ASCC3: variants seen among roughly 807,000 people sequenced by gnomAD.
ASCC3 encodes activating signal cointegrator 1 complex subunit 3, also known as ASC-1 complex subunit P200.
ASCC3 carries 158 observed loss-of-function variants against 256.3 expected under a neutral mutation model. The ratio of observed to expected loss-of-function variants is 0.62; its 90% CI spans 0.54 to 0.70. The LOEUF (loss-of-function observed/expected upper bound fraction) is 0.70, where lower values mean the gene tolerates loss of function less well. Among genes scored for constraint, ASCC3 ranks in the 30% least tolerant of loss-of-function variants. The probability of loss-of-function intolerance (pLI) is 0.00; values close to 1 mark genes in which losing one functional copy is unlikely to be tolerated. For missense variants in ASCC3, 2,259 were observed against 2,626.0 expected, an observed-to-expected ratio of 0.86 and a Z score of 3.05; for synonymous variants, 948 against 883.4, an observed-to-expected ratio of 1.07 and a Z score of -1.30.
chr6:100,815,915 A>T (rs887444278), intron 4 of ASCC3, among the ~76,000 whole-genome samples: 1 of 152,172 alleles, frequency 6.6e-6, no homozygotes, highest in African/African-American at 2.4e-5. Flanking sequence ...GATAAATGGG[A>T]TCTAATTAAA....
chr6:100,687,783 A>G (rs1777653889), intron 13 of ASCC3, among the ~76,000 whole-genome samples: 1 of 152,152 alleles, frequency 6.6e-6, no homozygotes, highest in Non-Finnish European at 1.5e-5. Flanking sequence ...TGCTTTAGGA[A>G]GAAAAAAGAG....
intron 21 of ASCC3, 110 bp from the exon 22 acceptor site, chr6:100,646,879 T>A (rs1775408405): frequency 3.4e-6 from 4 of 1,160,948 alleles, no homozygotes; most frequent in East Asian, 2.5e-5. Flanking sequence ...TGTTTTATGA[T>A]TTGCTATGTA....
rs1176120336 is a variant in ASCC3, at chr6:100,508,369, T to C, written c.*1017A>G. ...TTATTTCACAAAGGTAGAATTTCAT[T>C]CCACTAGAATGCATATTATATGAAC... On this transcript the variant is annotated 3_prime_UTR_variant, in exon 42 of 42. Transcript: ENST00000369162. The C allele has an allele frequency of 6.6e-6, 1 of 152,172 alleles. No individual in the cohort carries two copies. Among genetic ancestry groups the C allele is most frequent in the Non-Finnish European group, 1.5e-5 (1 of 68,010 alleles). The allele number at this position is 152,172 out of a possible 1,614,324, so 9.4% of individuals were successfully genotyped here.
chr6:100,579,429 C>G (rs1489033547), intron 36 of ASCC3, among the ~76,000 whole-genome samples: 1 of 152,012 alleles, frequency 6.6e-6, no homozygotes, highest in Non-Finnish European at 1.5e-5. Flanking sequence ...GGCCTACGTC[C>G]AGAATGGTAT....
At chr6:100,836,144 T>C (rs1231746472) in intron 4 of ASCC3, among the ~76,000 whole-genome samples, 1 of 152,124 alleles carries the variant, frequency 6.6e-6, no homozygotes, top group Non-Finnish European at 1.5e-5. Context: ...TAACAGTTTT[T>C]TAAGAGTCTT....
At chr6:100,876,580 A>G (rs955248429) in intron 1 of ASCC3, among the ~76,000 whole-genome samples, 1 of 152,206 alleles carries the variant, frequency 6.6e-6, no homozygotes, top group African/African-American at 2.4e-5. Flanking sequence ...CTTAAAGATG[A>G]ATCATAACAT....
chr6:100,754,687 G>A (rs1781092412), intron 10 of ASCC3, among the ~76,000 whole-genome samples: 1 of 152,030 alleles, frequency 6.6e-6, no homozygotes, highest in African/African-American at 2.4e-5. Flanking sequence ...TTTTAGATCA[G>A]TTGTTTTGAT....
chr6:100,584,912 C>A (rs1425505060), intron 36 of ASCC3, among the ~76,000 whole-genome samples: 1 of 152,194 alleles, frequency 6.6e-6, no homozygotes, highest in Non-Finnish European at 1.5e-5. Flanking sequence ...TTGGCCCCCA[C>A]TCTCTTCTAG....
At chr6:100,791,344 G>A (rs1365197274) in intron 8 of ASCC3, among the ~76,000 whole-genome samples, 1 of 151,842 alleles carries the variant, frequency 6.6e-6, no homozygotes, top group Admixed American at 6.6e-5. Context: ...TCTTGACAGT[G>A]ACCAAGTTTT....
chr6:100,798,505 C>A lies in ASCC3; in HGVS notation c.1395+208G>T, dbSNP rs564272038. Among the ~76,000 whole-genome samples, 203 of 151,898 alleles carry A rather than the reference C, an allele frequency of 1.3e-3. 2 individuals carry two copies. Among genetic ancestry groups the A allele is most frequent in the Middle Eastern group, 0.01 (3 of 294 alleles). On this transcript the variant is annotated intron_variant, in intron 8 of 41. Coordinates refer to ENST00000369162, the MANE Select transcript of ASCC3 (RefSeq NM_006828.4). ...AACATGAAACATAGAAATATATGCACAAAAATACACACATTTGTTTAATGT... is the reference window on the plus strand; with the variant it reads ...AACATGAAACATAGAAATATATGCAAAAAAATACACACATTTGTTTAATGT...
At chr6:100,520,875 C>T (rs955317954) in intron 37 of ASCC3, among the ~76,000 whole-genome samples, 1 of 152,144 alleles carries the variant, frequency 6.6e-6, no homozygotes, top group Non-Finnish European at 1.5e-5. Context: ...TTATGTGATG[C>T]ATGACAGTAT....
chr6:100,830,319 T>A (rs575715782), intron 4 of ASCC3, among the ~76,000 whole-genome samples: 1 of 152,246 alleles, frequency 6.6e-6, no homozygotes, highest in South Asian at 2.1e-4. Flanking sequence ...GGAAAGGTAT[T>A]TCTTTTCAAG....
At chr6:100,823,493 T>C (rs376152236) in intron 4 of ASCC3, among the ~76,000 whole-genome samples, 40 of 152,120 alleles carry the variant, frequency 2.6e-4, no homozygotes, top group Middle Eastern at 3.4e-3. Context: ...ACTAAAGATA[T>C]GAGATTTAAG....
chr6:100,518,929 T>C (rs1337388979), intron 37 of ASCC3, among the ~76,000 whole-genome samples: 2 of 152,122 alleles, frequency 1.3e-5, no homozygotes, highest in Non-Finnish European at 1.5e-5. Flanking sequence ...ACTCTTGTTT[T>C]GGGAAATGAG....
chr6:100,681,725 C>CAAAAAAAAAA (rs10696130), intron 13 of ASCC3, among the ~76,000 whole-genome samples: 18 of 58,600 alleles, frequency 3.1e-4, no homozygotes, highest in African/African-American at 5.9e-4. Context: ...GACTCCGTCT[C>CAAAAAAAAAA]AAAAAAAAAA....
chr6:100,587,673 C>T (rs981150797), intron 36 of ASCC3, among the ~76,000 whole-genome samples: 4 of 152,182 alleles, frequency 2.6e-5, no homozygotes, highest in Non-Finnish European at 5.9e-5. Context: ...TTCCGTTATA[C>T]AGCTTTCCTT....
At chr6:100,511,401 T>C (rs1230997298) in intron 40 of ASCC3, among the ~76,000 whole-genome samples, 1 of 151,790 alleles carries the variant, frequency 6.6e-6, no homozygotes, top group Non-Finnish European at 1.5e-5. Context: ...CTGGATAACA[T>C]AAGTGAAATT....
intron 13 of ASCC3, among the ~76,000 whole-genome samples, chr6:100,697,383 G>A (rs1428688230): frequency 2.0e-5 from 3 of 150,180 alleles, no homozygotes; most frequent in Non-Finnish European, 4.4e-5. Flanking sequence ...GGAAAAGTTG[G>A]TAACTTCTAT....
chr6:100,790,155 C>T (rs1282986934), intron 8 of ASCC3, among the ~76,000 whole-genome samples: 3 of 151,902 alleles, frequency 2.0e-5, no homozygotes, highest in Admixed American at 1.3e-4. Flanking sequence ...AAGAATTTAC[C>T]GATTACCTAA....
Sources: allele counts gnomAD v4.1 joint callset (sites outside exome capture counted in the v4.1 genomes callset), GRCh38; gene constraint gnomAD v4.1.1; transcripts MANE v1.5; gene names NCBI Gene and HGNC (gene_info 2026-07-23, HGNC 2026-07-21).